FNDC3B: variants seen among roughly 807,000 people sequenced by gnomAD.
The protein encoded by FNDC3B is fibronectin type III domain-containing protein 3B.
In FNDC3B, 12 loss-of-function variants were observed where a neutral mutation model predicts 151.5. The observed-to-expected ratio is 0.08, with a 90% confidence interval of 0.05 to 0.13. The LOEUF (loss-of-function observed/expected upper bound fraction) is 0.13, where lower values mean the gene tolerates loss of function less well. Among genes scored for constraint, FNDC3B ranks in the 10% least tolerant of loss-of-function variants. The pLI, the probability that FNDC3B is intolerant of heterozygous loss-of-function variation, is 1.00. For missense variants in FNDC3B, 1,214 were observed against 1,505.3 expected, an observed-to-expected ratio of 0.81 and a Z score of 3.20; for synonymous variants, 528 against 549.0, an observed-to-expected ratio of 0.96 and a Z score of 0.54.
At chr3:172,393,095 G>A (rs1397100773) in intron 25 of FNDC3B, among the ~76,000 whole-genome samples, 1 of 151,866 alleles carries the variant, frequency 6.6e-6, no homozygotes, top group East Asian at 1.9e-4. Context: ...GAGCCACCAT[G>A]CCCAGCCATG....
chr3:172,304,250 G>C (rs1731079853), intron 9 of FNDC3B, among the ~76,000 whole-genome samples: 2 of 152,196 alleles, frequency 1.3e-5, no homozygotes, highest in Admixed American at 1.3e-4. Flanking sequence ...CCAGACAACT[G>C]ACTGCATCCT....
chr3:172,125,112 C>A (rs6774818), intron 2 of FNDC3B, among the ~76,000 whole-genome samples: 1 of 152,004 alleles, frequency 6.6e-6, no homozygotes, highest in Non-Finnish European at 1.5e-5. Flanking sequence ...AGCGAGATGG[C>A]ACTTGGTTTT....
chr3:172,270,521 G>A (rs1729147015), intron 6 of FNDC3B, among the ~76,000 whole-genome samples: 1 of 152,148 alleles, frequency 6.6e-6, no homozygotes, highest in Non-Finnish European at 1.5e-5. Flanking sequence ...TTTATACTTT[G>A]TATAGTAGAA....
intron 4 of FNDC3B, among the ~76,000 whole-genome samples, chr3:172,247,053 T>A (rs1350627413): frequency 6.6e-6 from 1 of 152,214 alleles, no homozygotes. Context: ...GATGGAACTG[T>A]GCATGTTAAA....
intron 14 of FNDC3B, 108 bp downstream of exon 14, chr3:172,333,283 C>A: frequency 1.4e-6 from 1 of 736,618 alleles, no homozygotes. Context: ...AAGTTCACAG[C>A]ACTTTACATT....
intron 3 of FNDC3B, among the ~76,000 whole-genome samples, chr3:172,155,022 G>T (rs1722416053): frequency 6.6e-6 from 1 of 152,044 alleles, no homozygotes; most frequent in East Asian, 1.9e-4. Flanking sequence ...TCACTGGGGG[G>T]CGGCAGTAGG....
intron 1 of FNDC3B, among the ~76,000 whole-genome samples, chr3:172,106,506 C>G (rs192664729): frequency 6.6e-6 from 1 of 152,172 alleles, no homozygotes; most frequent in Non-Finnish European, 1.5e-5. Context: ...TTCTTTTTCT[C>G]TTGTCATTTG....
intron 1 of FNDC3B, among the ~76,000 whole-genome samples, chr3:172,085,312 G>C (rs894917846): frequency 6.6e-6 from 1 of 152,034 alleles, no homozygotes; most frequent in Non-Finnish European, 1.5e-5. Context: ...TAGCTTTTTT[G>C]GTTTGTTTGT....
intron 1 of FNDC3B, among the ~76,000 whole-genome samples, chr3:172,082,122 A>G (rs1263845101): frequency 6.6e-6 from 1 of 152,222 alleles, no homozygotes; most frequent in African/African-American, 2.4e-5. Flanking sequence ...AAAGAAACTC[A>G]TCATTAAGGT....
At chr3:172,202,598 C>T (rs1347287589) in intron 3 of FNDC3B, among the ~76,000 whole-genome samples, 1 of 152,184 alleles carries the variant, frequency 6.6e-6, no homozygotes, top group African/African-American at 2.4e-5. Flanking sequence ...ATTCTCCAAA[C>T]GGAACAGTGT....
rs1057288062 is a variant in FNDC3B, at chr3:172,243,999, T to A, written c.265-3534T>A. ...TGTTGGGTCATAGAGCTGGAAAAAA[T>A]TTAGATGAAGAATATTTATTCTGAT... On this transcript the variant is annotated intron_variant, in intron 4 of 25. Coordinates refer to ENST00000415807, the MANE Select transcript of FNDC3B (RefSeq NM_022763.4). Among the ~76,000 whole-genome samples the A allele has an allele frequency of 4.6e-5, 7 of 152,158 alleles. No homozygotes were observed. In the East Asian group the frequency reaches 1.3e-3, roughly 29 times the overall value.
intron 6 of FNDC3B, among the ~76,000 whole-genome samples, chr3:172,257,569 TACACACACACACACACAC>T (rs10582558): frequency 1.7e-4 from 24 of 143,872 alleles, no homozygotes; most frequent in South Asian, 1.1e-3. Context: ...CACGCATTCA[TACACACACACACACACAC>T]ACACACACAC....
intron 1 of FNDC3B, among the ~76,000 whole-genome samples, chr3:172,056,541 T>C (rs1402250856): frequency 1.3e-5 from 2 of 152,220 alleles, no homozygotes; most frequent in Non-Finnish European, 2.9e-5. Context: ...TTTGGAACTG[T>C]GCTGTGCACA....
chr3:172,178,052 G>C (rs183494322), intron 3 of FNDC3B, among the ~76,000 whole-genome samples: 1 of 152,120 alleles, frequency 6.6e-6, no homozygotes, highest in Non-Finnish European at 1.5e-5. Context: ...TGGCTGCATA[G>C]TATTCCATGG....
At chr3:172,252,918 A>G (rs1728159387) in intron 6 of FNDC3B, among the ~76,000 whole-genome samples, 1 of 152,218 alleles carries the variant, frequency 6.6e-6, no homozygotes, top group Non-Finnish European at 1.5e-5. Context: ...TGGGTCTCAT[A>G]TAAAATAATT....
chr3:172,091,873 G>GGTGTGTGTGTGTGTGTGTGTGTGT (rs377450281), intron 1 of FNDC3B, among the ~76,000 whole-genome samples: 14 of 124,820 alleles, frequency 1.1e-4, no homozygotes, highest in South Asian at 5.5e-4. Context: ...ACTTTACTGG[G>GGTGTGTGTGTGTGTGTGTGTGTGT]GTGTGTGTGT....
chr3:172,359,819 G>C (rs1391679112), intron 22 of FNDC3B, among the ~76,000 whole-genome samples: 2 of 152,130 alleles, frequency 1.3e-5, no homozygotes, highest in Non-Finnish European at 2.9e-5. Flanking sequence ...TGCAGCCCCA[G>C]TGTAATAGAA....
At chr3:172,095,681 A>T (rs952483085) in intron 1 of FNDC3B, among the ~76,000 whole-genome samples, 11 of 152,216 alleles carry the variant, frequency 7.2e-5, no homozygotes, top group African/African-American at 2.7e-4. Flanking sequence ...AAGCATCATT[A>T]AAAAAGTCTT....
intron 23 of FNDC3B, among the ~76,000 whole-genome samples, chr3:172,373,381 A>G (rs1430054995): frequency 1.3e-5 from 2 of 152,202 alleles, no homozygotes; most frequent in South Asian, 2.1e-4. Flanking sequence ...CCTGTGGTGC[A>G]TAAGCAGGTG....
Sources: allele counts gnomAD v4.1 joint callset (sites outside exome capture counted in the v4.1 genomes callset), GRCh38; gene constraint gnomAD v4.1.1; transcripts MANE v1.5; gene names NCBI Gene and HGNC (gene_info 2026-07-23, HGNC 2026-07-21).